RFFL: variants seen among roughly 807,000 people sequenced by gnomAD.
RFFL encodes ring finger and FYVE like domain containing E3 ubiquitin protein ligase, also known as E3 ubiquitin-protein ligase rififylin.
Under a neutral mutation model 40.4 loss-of-function variants are expected in RFFL, and 16 were observed. The observed-to-expected ratio is 0.40, with a 90% confidence interval of 0.27 to 0.60. The LOEUF (loss-of-function observed/expected upper bound fraction) is 0.60, where lower values mean the gene tolerates loss of function less well. Among genes scored for constraint, RFFL ranks in the 20% least tolerant of loss-of-function variants. The pLI, the probability that RFFL is intolerant of heterozygous loss-of-function variation, is 0.47. For synonymous variants in RFFL, 154 were observed against 167.9 expected (o/e 0.92, Z 0.64); for missense variants, 367 against 451.7 (o/e 0.81, Z 1.70).
At chr17:35,066,517 C>T (rs989358289), upstream of RFFL, among the ~76,000 whole-genome samples, 2 of 152,022 alleles carry the variant, frequency 1.3e-5, no homozygotes, top group Admixed American at 1.3e-4. Context: ...ATCCAAATTA[C>T]CCCCCAAAAA....
At chr17:35,012,206 A>T in intron 6 of RFFL, 57 bp from the exon 7 acceptor site, 2 of 1,512,006 alleles carry the variant, frequency 1.3e-6, no homozygotes, top group African/African-American at 2.7e-5. Flanking sequence ...GAATGTCTTA[A>T]GTGTATAGGG....
At chr17:35,073,471 A>G (rs756649965) in intron 1 of RFFL, among the ~76,000 whole-genome samples, 14 of 152,248 alleles carry the variant, frequency 9.2e-5, no homozygotes, top group Admixed American at 3.3e-4. Context: ...TTCTTATAAA[A>G]GAAGAAAGAC....
intron 2 of RFFL, among the ~76,000 whole-genome samples, chr17:35,025,001 G>A (rs1314686859): frequency 6.6e-6 from 1 of 152,104 alleles, no homozygotes; most frequent in Non-Finnish European, 1.5e-5. Flanking sequence ...AGAAGCTCTT[G>A]TTACACACAC....
chr17:35,017,752 C>G (rs2090983595), intron 3 of RFFL, 146 bp from the exon 4 acceptor site: 5 of 620,500 alleles, frequency 8.1e-6, no homozygotes, highest in South Asian at 7.2e-5. Flanking sequence ...TTACAAAAGC[C>G]TGCTCTCTCA....
chr17:35,037,315 T>C (rs998261008), intron 1 of RFFL, among the ~76,000 whole-genome samples: 1 of 152,194 alleles, frequency 6.6e-6, no homozygotes, highest in Non-Finnish European at 1.5e-5. Flanking sequence ...TGTTAGTGCA[T>C]AAAGAAAAGT....
chr17:35,062,744 A>C (rs1401876259), intron 1 of RFFL, among the ~76,000 whole-genome samples: 1 of 152,198 alleles, frequency 6.6e-6, no homozygotes, highest in East Asian at 1.9e-4. Context: ...AATTATAAGG[A>C]GCAGAAACGT....
Position 35,021,725 on chromosome 17 carries a change from C to T in RFFL, c.237G>A (p.Gly79=). The T allele has an allele frequency of 6.2e-7, 1 of 1,614,222 alleles. No homozygotes were observed. Among genetic ancestry groups the T allele is most frequent in the Non-Finnish European group, 8.5e-7 (1 of 1,180,034 alleles). Residue 79 remains glycine (G), a synonymous_variant, in exon 3 of 7, where the codon GGG becomes GGA. Transcript: ENST00000394597. ...NFCMTCSSQV[G]NGPRLCLLCQ... The stretch of plus-strand genomic sequence containing the variant: ...AGAGAAGGCAGAGGCGGGGCCCATT[C>T]CCTACTTGGCTCGAACAGGTCATGC...
intron 1 of RFFL, among the ~76,000 whole-genome samples, chr17:35,055,604 G>A (rs545839247): frequency 1.3e-5 from 2 of 150,670 alleles, no homozygotes; most frequent in East Asian, 2.0e-4. Flanking sequence ...CCAGGAGGCA[G>A]AGGTTGCAGT....
chr17:35,036,342 T>G (rs2091122474), intron 1 of RFFL: 1 of 152,214 alleles, frequency 6.6e-6, no homozygotes. Context: ...ACAAACCTCC[T>G]TCTGATCTTG....
Position 35,049,039 on chromosome 17 carries a change from C to T in RFFL, c.-9+14537G>A, listed in dbSNP as rs564614490. Among the ~76,000 whole-genome samples, 59 of 152,292 alleles carry T rather than the reference C, an allele frequency of 3.9e-4. No homozygotes were observed. In the South Asian group the frequency reaches 0.011, roughly 29 times the overall value. On this transcript the variant is annotated intron_variant, in intron 1 of 6. Coordinates refer to ENST00000394597, the MANE Select transcript of RFFL (RefSeq NM_001017368.2). ...CCATATTCTCTCCTTGCCAAGAACA[C>T]CTGTGTTCAGCCTATCTTCAAGGTT...
intron 2 of RFFL, among the ~76,000 whole-genome samples, chr17:35,024,278 T>G (rs1405447589): frequency 6.6e-6 from 1 of 152,114 alleles, no homozygotes; most frequent in Non-Finnish European, 1.5e-5. Flanking sequence ...TGAGAGAATG[T>G]ATATAAAACC....
At chr17:35,043,157 G>A (rs967953749) in intron 1 of RFFL, among the ~76,000 whole-genome samples, 2 of 152,082 alleles carry the variant, frequency 1.3e-5, no homozygotes, top group Non-Finnish European at 2.9e-5. Context: ...AGAGAAAGGT[G>A]GGGGGAAAAA....
upstream of RFFL, among the ~76,000 whole-genome samples, chr17:35,064,849 A>T (rs1283155992): frequency 6.6e-6 from 1 of 152,216 alleles, no homozygotes; most frequent in Non-Finnish European, 1.5e-5. Context: ...AAACTATACT[A>T]CTTAATTTTC....
rs201829782 is a variant in RFFL at position 35,026,382 on chromosome 17, C to T, written c.172G>A (p.Ala58Thr). The T allele has an allele frequency of 3.1e-6, 5 of 1,613,648 alleles. No homozygotes were observed. The highest frequency in any genetic ancestry group is 4.2e-6 in the Non-Finnish European group (5 of 1,179,878). Residue 58 changes from alanine to threonine, a missense_variant, in exon 2 of 7, where the codon GCC (alanine) becomes ACC (threonine). Ala to Thr is a moderately conservative substitution (Grantham distance 58). Coordinates refer to ENST00000394597, the MANE Select transcript of RFFL (RefSeq NM_001017368.2). The part of the protein sequence containing the change: ...KSCGAHFANT[A>T]RKQTCLDCKK... ...AAGAAGTCAGCACTCACCTTCCTGGCCGTGTTTGCAAAGTGAGCCCCACAG... is the reference window on the plus strand; with the variant it reads ...AAGAAGTCAGCACTCACCTTCCTGGTCGTGTTTGCAAAGTGAGCCCCACAG...
chr17:35,014,702 G>A (rs775221300), intron 6 of RFFL, 38 bp downstream of exon 6: 1 of 1,597,660 alleles, frequency 6.3e-7, no homozygotes, highest in Non-Finnish European at 8.6e-7. Context: ...AAGGACAAAA[G>A]GGCCTAAGCC....
chr17:35,073,043 C>CAGA (rs1555564631), intron 1 of RFFL, among the ~76,000 whole-genome samples: 1,458 of 143,376 alleles, frequency 0.01, 15 homozygotes, highest in Admixed American at 0.02. Context: ...AACTCCGTCT[C>CAGA]AAAAAAAAAA....
At chr17:35,068,527 T>C (rs539374400), upstream of RFFL, among the ~76,000 whole-genome samples, 3 of 152,330 alleles carry the variant, frequency 2.0e-5, no homozygotes, top group Admixed American at 6.5e-5. Flanking sequence ...AACCCCCCAG[T>C]TGTGTGAGGG....
intron 1 of RFFL, among the ~76,000 whole-genome samples, chr17:35,031,888 G>C (rs1336490664): frequency 6.6e-6 from 1 of 151,950 alleles, no homozygotes; most frequent in Non-Finnish European, 1.5e-5. Context: ...GAGGTCAGGA[G>C]ACCAAGACCA....
At chr17:35,034,225 T>C (rs1459146382) in intron 1 of RFFL, among the ~76,000 whole-genome samples, 2 of 151,890 alleles carry the variant, frequency 1.3e-5, no homozygotes, top group Admixed American at 1.3e-4. Flanking sequence ...GTCCCAGCTA[T>C]GTGAGAGGCT....
Sources: gnomAD v4.1 joint callset for allele counts (sites outside exome capture counted in the v4.1 genomes callset) on GRCh38, gnomAD v4.1.1 for gene constraint, MANE v1.5 for transcripts, NCBI Gene and HGNC (gene_info 2026-07-23, HGNC 2026-07-21) for gene names.